MCTP1: variants seen among roughly 807,000 people sequenced by gnomAD.
MCTP1 encodes the protein multiple C2 and transmembrane domain containing 1.
Under a neutral mutation model 120.6 loss-of-function variants are expected in MCTP1, and 69 were observed. The observed-to-expected ratio is 0.57, with a 90% CI of 0.47 to 0.70. MCTP1 has a LOEUF of 0.70. Ranked by LOEUF, MCTP1 falls within the 30% of genes least tolerant of loss-of-function variation. MCTP1 has a pLI of 0.00. For synonymous variants in MCTP1, 529 were observed against 493.1 expected (o/e 1.07, Z -0.96); for missense variants, 1,203 against 1,248.8 (o/e 0.96, Z 0.55).
At chr5:95,120,115 T>G (rs928494137) in intron 1 of MCTP1, among the ~76,000 whole-genome samples, 32 of 143,884 alleles carry the variant, frequency 2.2e-4, no homozygotes, top group African/African-American at 8.2e-4. Flanking sequence ...AGGCAGAGCT[T>G]GTAGTTAGCG....
chr5:95,098,321 G>T (rs1756432273), intron 1 of MCTP1, among the ~76,000 whole-genome samples: 1 of 152,110 alleles, frequency 6.6e-6, no homozygotes, highest in Non-Finnish European at 1.5e-5. Flanking sequence ...TCTTTTTATA[G>T]AAAGAATATT....
chr5:95,022,586 T>C (rs918460400), intron 1 of MCTP1, among the ~76,000 whole-genome samples: 1 of 152,162 alleles, frequency 6.6e-6, no homozygotes, highest in Non-Finnish European at 1.5e-5. Flanking sequence ...GATAGAAAGA[T>C]ATCTTTACGA....
At chr5:95,251,381 G>A (rs542545233) in intron 1 of MCTP1, among the ~76,000 whole-genome samples, 1 of 152,238 alleles carries the variant, frequency 6.6e-6, no homozygotes, top group East Asian at 1.9e-4. Context: ...GGTTCAGGTT[G>A]AAGAAGGAGG....
At chr5:95,133,187 A>T (rs927258354) in intron 1 of MCTP1, among the ~76,000 whole-genome samples, 1 of 152,214 alleles carries the variant, frequency 6.6e-6, no homozygotes, top group Non-Finnish European at 1.5e-5. Context: ...ACTTTTGTAA[A>T]ACCATACAGT....
chr5:95,201,159 T>G (rs1012286564), intron 1 of MCTP1, among the ~76,000 whole-genome samples: 2 of 152,334 alleles, frequency 1.3e-5, no homozygotes, highest in East Asian at 3.9e-4. Flanking sequence ...TTAGGACTGC[T>G]GAGACAGAAT....
rs150696980 is a variant in MCTP1, at chr5:94,723,751, T to C, written c.2611-8865A>G. ...AATTTGCATGCAACTTTAAAGGTGA[T>C]TGTAATGTAAAAAGAATTTGGAGAG... is the stretch of plus-strand genomic sequence containing the variant. On this transcript the variant is annotated intron_variant, in intron 19 of 22. Coordinates refer to ENST00000515393, the MANE Select transcript of MCTP1 (RefSeq NM_024717.7). 6.2e-3 allele frequency among the ~76,000 whole-genome samples: 947 copies of C among 152,218 alleles called. 29 individuals carry two copies. Among genetic ancestry groups the C allele is most frequent in the Admixed American group, 0.051 (784 of 15,280 alleles).
intron 1 of MCTP1, chr5:95,166,071 A>G (rs936873344): frequency 2.0e-5 from 3 of 152,132 alleles, no homozygotes; most frequent in Admixed American, 6.5e-5. Context: ...CATTGCCTAA[A>G]TTGTCTTTAT....
At chr5:95,011,151 C>T (rs1032552603) in intron 2 of MCTP1, among the ~76,000 whole-genome samples, 2 of 152,126 alleles carry the variant, frequency 1.3e-5, no homozygotes, top group Non-Finnish European at 2.9e-5. Flanking sequence ...AATTCTTACA[C>T]AGCTCATGGA....
chr5:94,744,808 C>T (rs749428796), intron 19 of MCTP1, among the ~76,000 whole-genome samples: 1 of 152,164 alleles, frequency 6.6e-6, no homozygotes, highest in Non-Finnish European at 1.5e-5. Context: ...CCGCGCCCAG[C>T]CACCAATAGG....
chr5:95,136,791 T>C (rs1360746043), intron 1 of MCTP1, among the ~76,000 whole-genome samples: 1 of 152,208 alleles, frequency 6.6e-6, no homozygotes, highest in African/African-American at 2.4e-5. Context: ...GCCAGAGCAC[T>C]AACAGAGGTC....
intron 19 of MCTP1, among the ~76,000 whole-genome samples, chr5:94,722,067 A>G (rs1285479568): frequency 6.6e-6 from 1 of 152,188 alleles, no homozygotes; most frequent in African/African-American, 2.4e-5. Flanking sequence ...ATTCTTTAAT[A>G]TATGCCTACT....
At chr5:94,717,276 A>G (rs778228646) in intron 19 of MCTP1, among the ~76,000 whole-genome samples, 14 of 152,200 alleles carry the variant, frequency 9.2e-5, no homozygotes, top group Non-Finnish European at 1.5e-5. Flanking sequence ...GACAAAAATC[A>G]CGATTATTTC....
At chr5:94,868,538 T>A in intron 16 of MCTP1, 86 bp from the exon 17 acceptor site, 2 of 946,378 alleles carry the variant, frequency 2.1e-6, no homozygotes, top group Non-Finnish European at 2.9e-6. Context: ...TTATTGTGAC[T>A]TAAAAAGGAT....
At position 94,797,827 on chromosome 5, in the gene MCTP1, T is replaced by C. The variant is rs374428151; in HGVS notation, c.2556+1186A>G. On this transcript the variant is annotated intron_variant, in intron 18 of 22. Coordinates refer to ENST00000515393, the MANE Select transcript of MCTP1 (RefSeq NM_024717.7). Reference sequence around the variant, plus strand: ...AAATATGGTGCATTGTTGGCAACTTTGTCACATACTAAAGGAAATTATTTT... The same window carrying C: ...AAATATGGTGCATTGTTGGCAACTTCGTCACATACTAAAGGAAATTATTTT... Among the ~76,000 whole-genome samples the C allele has an allele frequency of 5.9e-5, 9 of 152,134 alleles. 1 individual carries two copies. Among genetic ancestry groups the C allele is most frequent in the Admixed American group, 4.6e-4 (7 of 15,272 alleles).
chr5:95,019,468 A>G (rs911196012), intron 1 of MCTP1, among the ~76,000 whole-genome samples: 1 of 151,802 alleles, frequency 6.6e-6, no homozygotes, highest in Non-Finnish European at 1.5e-5. Flanking sequence ...TCTGAGACAC[A>G]ATATTTTTTC....
chr5:95,246,763 CT>C (rs1756838919), intron 1 of MCTP1, among the ~76,000 whole-genome samples: 1 of 152,106 alleles, frequency 6.6e-6, no homozygotes, highest in African/African-American at 2.4e-5. Flanking sequence ...GGTGGATAAG[CT>C]TTTTGAAGTG....
chr5:95,098,942 G>C (rs1334213446), intron 1 of MCTP1, among the ~76,000 whole-genome samples: 1 of 152,092 alleles, frequency 6.6e-6, no homozygotes, highest in African/African-American at 2.4e-5. Context: ...TAATGGAACA[G>C]AACAGAGCCC....
At chr5:94,969,341 G>T (rs1826277835) in intron 2 of MCTP1, among the ~76,000 whole-genome samples, 1 of 152,094 alleles carries the variant, frequency 6.6e-6, no homozygotes, top group African/African-American at 2.4e-5. Context: ...ACACAAGATG[G>T]CAGCCTATCT....
chr5:95,087,775 C>A (rs1214220456), intron 1 of MCTP1, among the ~76,000 whole-genome samples: 1 of 152,120 alleles, frequency 6.6e-6, no homozygotes, highest in Non-Finnish European at 1.5e-5. Flanking sequence ...TCTCTCATTT[C>A]ATTATACCCA....
Sources: allele counts gnomAD v4.1 joint callset (sites outside exome capture counted in the v4.1 genomes callset), GRCh38; gene constraint gnomAD v4.1.1; transcripts MANE v1.5; gene names NCBI Gene and HGNC (gene_info 2026-07-23, HGNC 2026-07-21).